Variants in FOXP1 observed in about 807,000 individuals in gnomAD.
FOXP1 encodes the protein forkhead box P1.
In FOXP1, 15 loss-of-function variants were observed where a neutral mutation model predicts 98.2. The observed-to-expected ratio is 0.15, with a 90% CI of 0.10 to 0.24. FOXP1 has a LOEUF of 0.24. Among genes scored for constraint, FOXP1 ranks in the 10% least tolerant of loss-of-function variants. The pLI, the probability that FOXP1 is intolerant of heterozygous loss-of-function variation, is 1.00. For missense variants in FOXP1, 633 were observed against 848.5 expected (o/e 0.75, Z 3.15); for synonymous variants, 371 against 314.5 (o/e 1.18, Z -1.90).
intron 3 of FOXP1, among the ~76,000 whole-genome samples, chr3:71,485,807 G>A (rs2090606369): frequency 6.6e-6 from 1 of 151,386 alleles, no homozygotes; most frequent in Admixed American, 6.6e-5. Context: ...AAATAATGCA[G>A]TGTTGAATCC....
intron 6 of FOXP1, among the ~76,000 whole-genome samples, chr3:71,117,108 G>A (rs1469775428): frequency 1.3e-5 from 2 of 149,808 alleles, no homozygotes; most frequent in Admixed American, 6.6e-5. Flanking sequence ...TTTTCTTTGA[G>A]ACAAGGTCTC....
At chr3:70,972,421 T>C in intron 18 of FOXP1, 134 bp downstream of exon 18, 2 of 1,333,134 alleles carry the variant, frequency 1.5e-6, no homozygotes, top group Non-Finnish European at 2.2e-6. Flanking sequence ...GATGAAATGC[T>C]TTTTTGCTTC....
Position 71,060,065 on chromosome 3 carries a change from G to T in FOXP1, c.283-6292C>A, listed in dbSNP as rs1344471084. On this transcript the variant is annotated intron_variant, in intron 7 of 20. Coordinates refer to ENST00000649528, the MANE Select transcript of FOXP1 (RefSeq NM_001349338.3). ...CACTAAGAATTAAATTTGTAGCTCTGCTTTCTCATGATTTAATCAGCATAG... is the reference window on the plus strand; with the variant it reads ...CACTAAGAATTAAATTTGTAGCTCTTCTTTCTCATGATTTAATCAGCATAG... Among the ~76,000 whole-genome samples the T allele has an allele frequency of 4.6e-5, 7 of 152,094 alleles. 1 individual carries two copies. In the South Asian group the frequency reaches 8.3e-4, roughly 18 times the overall value.
intron 2 of FOXP1, among the ~76,000 whole-genome samples, chr3:71,569,293 G>A (rs1423715036): frequency 6.6e-6 from 1 of 152,156 alleles, no homozygotes; most frequent in East Asian, 1.9e-4. Flanking sequence ...TACCAAATAT[G>A]CACATGTGTA....
intron 10 of FOXP1, among the ~76,000 whole-genome samples, chr3:71,044,112 G>A (rs943218603): frequency 6.6e-6 from 1 of 152,160 alleles, no homozygotes; most frequent in Non-Finnish European, 1.5e-5. Flanking sequence ...TTCAATGAGC[G>A]CTACCTACCA....
intron 5 of FOXP1, among the ~76,000 whole-genome samples, chr3:71,297,208 G>C (rs1004174275): frequency 6.6e-6 from 1 of 152,078 alleles, no homozygotes; most frequent in Non-Finnish European, 1.5e-5. Context: ...TTATTTGCAC[G>C]ATATTAAATA....
chr3:71,396,701 TA>T (rs201448404), intron 3 of FOXP1, among the ~76,000 whole-genome samples: 3,122 of 140,604 alleles, frequency 0.022, 128 homozygotes, highest in South Asian at 0.087. Context: ...TTCAAAATTT[TA>T]AAAAATGTTT....
intron 7 of FOXP1, among the ~76,000 whole-genome samples, chr3:71,097,011 A>T (rs2056522251): frequency 6.6e-6 from 1 of 152,234 alleles, no homozygotes; most frequent in Admixed American, 6.5e-5. Context: ...TCTTCCTCCA[A>T]GCTGACACAG....
intron 3 of FOXP1, among the ~76,000 whole-genome samples, chr3:71,484,601 T>C (rs1005139249): frequency 3.3e-5 from 5 of 152,188 alleles, no homozygotes; most frequent in African/African-American, 9.7e-5. Context: ...ATGACACCAC[T>C]GTCCCCATTT....
At chr3:70,984,256 C>A (rs1198901822) in intron 14 of FOXP1, among the ~76,000 whole-genome samples, 1 of 152,154 alleles carries the variant, frequency 6.6e-6, no homozygotes, top group South Asian at 2.1e-4. Flanking sequence ...GTTGGCTATT[C>A]CTTTTCTTCC....
intron 6 of FOXP1, among the ~76,000 whole-genome samples, chr3:71,116,531 A>T (rs2058386762): frequency 6.6e-6 from 1 of 152,222 alleles, no homozygotes; most frequent in Non-Finnish European, 1.5e-5. Context: ...AGAATAATTC[A>T]TTTTGATGTG....
intron 2 of FOXP1, among the ~76,000 whole-genome samples, chr3:71,518,657 T>A (rs2042751134): frequency 6.6e-6 from 1 of 152,170 alleles, no homozygotes; most frequent in Non-Finnish European, 1.5e-5. Flanking sequence ...CGCCATAAAA[T>A]GTAAGAACAA....
At chr3:71,549,994 T>G (rs2045654407) in intron 2 of FOXP1, among the ~76,000 whole-genome samples, 1 of 152,124 alleles carries the variant, frequency 6.6e-6, no homozygotes. Flanking sequence ...CAAAGAACCT[T>G]ATTTTTAAAA....
intron 7 of FOXP1, among the ~76,000 whole-genome samples, chr3:71,056,962 A>T (rs2050733371): frequency 6.6e-6 from 1 of 152,222 alleles, no homozygotes; most frequent in African/African-American, 2.4e-5. Context: ...GGCATGCAGT[A>T]CCAGCGAGAG....
intron 3 of FOXP1, among the ~76,000 whole-genome samples, chr3:71,468,852 C>T (rs965184700): frequency 6.6e-6 from 1 of 152,182 alleles, no homozygotes; most frequent in African/African-American, 2.4e-5. Flanking sequence ...CAGACAACTC[C>T]ACTTGACTGA....
At chr3:71,527,716 G>A (rs1208944399) in intron 2 of FOXP1, among the ~76,000 whole-genome samples, 1 of 152,138 alleles carries the variant, frequency 6.6e-6, no homozygotes, top group Non-Finnish European at 1.5e-5. Context: ...GTACAATAGG[G>A]GGGAAAAAAC....
chr3:71,308,750 TG>T (rs2074465310), intron 4 of FOXP1, among the ~76,000 whole-genome samples: 2 of 1,060 alleles, frequency 1.9e-3, no homozygotes, highest in Non-Finnish European at 9.8e-3. Context: ...TCTACCACAA[TG>T]TGTGTGTGTG....
rs1219083428 is a variant in FOXP1 at position 71,040,546 on chromosome 3, C to T, written c.869+782G>A. ...CTAAGAATACCATAACATGAATTAA[C>T]AGCTTTATTTTCTTAGAACTGCATG... On this transcript the variant is annotated intron_variant, in intron 11 of 20. Coordinates refer to ENST00000649528, the MANE Select transcript of FOXP1 (RefSeq NM_001349338.3). The T allele has an allele frequency of 1.3e-5, 2 of 152,304 alleles. 1 individual carries two copies. The highest frequency in any genetic ancestry group is 4.1e-4 in the South Asian group (2 of 4,834). 9.4% of individuals were successfully genotyped at this position (152,304 alleles called of 1,614,324 possible).
chr3:71,460,608 T>C (rs971948647), intron 3 of FOXP1, among the ~76,000 whole-genome samples: 4 of 152,102 alleles, frequency 2.6e-5, no homozygotes, highest in African/African-American at 9.7e-5. Flanking sequence ...GGCTAACTTT[T>C]TTTGTATTTT....
Sources: gnomAD v4.1 joint callset for allele counts (sites outside exome capture counted in the v4.1 genomes callset) on GRCh38, gnomAD v4.1.1 for gene constraint, MANE v1.5 for transcripts, NCBI Gene and HGNC (gene_info 2026-07-23, HGNC 2026-07-21) for gene names.